BNC2: variants seen among roughly 807,000 people sequenced by gnomAD.
BNC2 encodes the protein basonuclin zinc finger protein 2.
BNC2 carries 20 observed loss-of-function variants against 76.3 expected under a neutral mutation model. The ratio of observed to expected loss-of-function variants is 0.26; its 90% CI spans 0.18 to 0.38. The LOEUF is 0.38. Among genes scored for constraint, BNC2 ranks in the 10% least tolerant of loss-of-function variants. The pLI is 1.00. For synonymous variants in BNC2, 582 were observed against 514.8 expected, an observed-to-expected ratio of 1.13 and a Z score of -1.77; for missense variants, 1,382 against 1,399.8, an observed-to-expected ratio of 0.99 and a Z score of 0.20.
chr9:16,567,380 AT>A (rs574744980), intron 4 of BNC2, among the ~76,000 whole-genome samples: 5 of 152,338 alleles, frequency 3.3e-5, no homozygotes, highest in Admixed American at 1.3e-4. Context: ...CCTTTATAAA[AT>A]TCAGTTTTCA....
chr9:16,413,301 G>C lies in BNC2; in HGVS notation c.*5688C>G, dbSNP rs1426005136. On this transcript the variant is annotated 3_prime_UTR_variant, in exon 7 of 7. Transcript: ENST00000380672. The stretch of plus-strand genomic sequence containing the variant: ...GTATGTTGCTCCAAAAATATATATA[G>C]CATTATAATGAACAATAATGCTGAT... 3 of 150,520 alleles carry C rather than the reference G, an allele frequency of 2.0e-5. No individual in the cohort carries two copies. The highest frequency in any genetic ancestry group is 1.9e-4 in the East Asian group (1 of 5,150). The allele number at this position is 150,520 out of a possible 1,614,324, so 9.3% of individuals were successfully genotyped here. A position where few individuals can be genotyped will look rare whatever the true frequency, so the allele number is the denominator to read the frequency against.
chr9:16,601,400 G>A (rs574069170), intron 3 of BNC2, among the ~76,000 whole-genome samples: 11 of 152,312 alleles, frequency 7.2e-5, no homozygotes, highest in Admixed American at 5.9e-4. Context: ...AGATCTAAAC[G>A]AACAGACACA....
At chr9:16,551,163 T>C (rs1185351198) in intron 5 of BNC2, among the ~76,000 whole-genome samples, 1 of 152,198 alleles carries the variant, frequency 6.6e-6, no homozygotes, top group Non-Finnish European at 1.5e-5. Context: ...ATATAATTGC[T>C]ACTATTATCA....
intron 1 of BNC2, among the ~76,000 whole-genome samples, chr9:16,756,877 G>C (rs185182441): frequency 5.8e-4 from 88 of 152,074 alleles, no homozygotes; most frequent in Middle Eastern, 3.4e-3. Flanking sequence ...TGTAGTCCCA[G>C]CTACTCGGGA....
intron 5 of BNC2, among the ~76,000 whole-genome samples, chr9:16,469,301 G>A (rs1391399541): frequency 6.6e-6 from 1 of 152,172 alleles, no homozygotes; most frequent in Non-Finnish European, 1.5e-5. Context: ...GTTGTAGGAA[G>A]GACCCGGGGG....
Position 16,552,507 on chromosome 9 carries a change from C to T in BNC2, c.669+23G>A, listed in dbSNP as rs755696592. ...ACCCACAGTCGGCCCCGGACACGGG[C>T]GGCGTTCAAGTCCTCTCCCTACCTG... is the stretch of plus-strand genomic sequence containing the variant. On this transcript the variant is annotated intron_variant, in intron 5 of 6. Coordinates refer to ENST00000380672, the MANE Select transcript of BNC2 (RefSeq NM_017637.6). The T allele has an allele frequency of 3.2e-5, 52 of 1,606,132 alleles. 1 individual carries two copies. The highest frequency in any genetic ancestry group is 1.7e-4 in the Middle Eastern group (1 of 6,042).
intron 1 of BNC2, among the ~76,000 whole-genome samples, chr9:16,850,912 G>T (rs943297797): frequency 2.0e-5 from 3 of 152,050 alleles, no homozygotes; most frequent in South Asian, 2.1e-4. Context: ...TTATGTCATG[G>T]AAGATTTGCT....
chr9:16,507,586 G>A (rs973346020), intron 5 of BNC2, among the ~76,000 whole-genome samples: 2 of 152,064 alleles, frequency 1.3e-5, no homozygotes, highest in Non-Finnish European at 2.9e-5. Context: ...GCACCACCAT[G>A]CCTGGCTAAT....
chr9:16,443,024 C>T (rs1369473705), intron 5 of BNC2, among the ~76,000 whole-genome samples: 1 of 138,918 alleles, frequency 7.2e-6, no homozygotes, highest in East Asian at 2.2e-4. Flanking sequence ...ATGAGAATCA[C>T]TTGAACCCAG....
chr9:16,489,328 A>T (rs184729743), intron 5 of BNC2, among the ~76,000 whole-genome samples: 2 of 152,348 alleles, frequency 1.3e-5, no homozygotes, highest in Non-Finnish European at 2.9e-5. Flanking sequence ...TTTAATTTAC[A>T]TTTAAATAGA....
In BNC2 at chr9:16,436,074, C is replaced by A; in HGVS notation, c.2120G>T (p.Arg707Met). The change falls in exon 6 of 7, where the codon AGG (arginine) becomes ATG (methionine). Residue 707 changes from arginine (R) to methionine (M), a missense_variant. Arg to Met is a moderately conservative substitution (Grantham distance 91). Coordinates refer to ENST00000380672, the MANE Select transcript of BNC2 (RefSeq NM_017637.6). ...GTCTTCAGAAGTCATGCTGTCGGCC[C>A]TCCTTATTTCAGTCCTTGAAATGCA... ...TRCISRTEIR[R>M]ADSMTSEDQE... The A allele has an allele frequency of 6.2e-7, 1 of 1,614,152 alleles. No homozygotes were observed. The highest frequency in any genetic ancestry group is 8.5e-7 in the Non-Finnish European group (1 of 1,180,034).
At chr9:16,505,149 TGAGATAAAATGTATAAAA>T (rs1457684749) in intron 5 of BNC2, among the ~76,000 whole-genome samples, 1 of 152,116 alleles carries the variant, frequency 6.6e-6, no homozygotes. Context: ...AATGTATAAA[TGAGATAAAATGTATAAAA>T]GAGATGCAGC....
rs1820813192 is a variant in BNC2, at chr9:16,426,920, G to A, written c.2640-7271C>T. ...TACCACTAATCTTGTGGGATTTCCT[G>A]GTGTATCACCATATAGCACTGAACT... On this transcript the variant is annotated intron_variant, in intron 6 of 6. Coordinates refer to ENST00000380672, the MANE Select transcript of BNC2 (RefSeq NM_017637.6). Among the ~76,000 whole-genome samples, 8 of 152,236 alleles carry A rather than the reference G, an allele frequency of 5.3e-5. No homozygotes were observed. The South Asian group carries it at 1.7e-3, about 32-fold the overall frequency.
At chr9:16,610,230 G>A (rs1035459217) in intron 3 of BNC2, among the ~76,000 whole-genome samples, 1 of 152,126 alleles carries the variant, frequency 6.6e-6, no homozygotes, top group African/African-American at 2.4e-5. Flanking sequence ...GAGGATTGCT[G>A]AATCCGAAGC....
intron 3 of BNC2, among the ~76,000 whole-genome samples, chr9:16,598,821 G>A (rs966489678): frequency 6.6e-6 from 1 of 152,094 alleles, no homozygotes; most frequent in Non-Finnish European, 1.5e-5. Context: ...TATATATCCT[G>A]GGCAATACCT....
intron 1 of BNC2, among the ~76,000 whole-genome samples, chr9:16,751,965 G>C (rs543192346): frequency 6.6e-6 from 1 of 152,110 alleles, no homozygotes; most frequent in South Asian, 2.1e-4. Flanking sequence ...GGAGGCAGAG[G>C]TTGCAGTGAG....
chr9:16,487,631 C>A (rs1563806505), intron 5 of BNC2, among the ~76,000 whole-genome samples: 1 of 152,134 alleles, frequency 6.6e-6, no homozygotes, highest in African/African-American at 2.4e-5. Context: ...TGAACCCCAG[C>A]CAAGTCCTAT....
intron 5 of BNC2, among the ~76,000 whole-genome samples, chr9:16,480,516 C>T (rs890389106): frequency 5.9e-5 from 9 of 152,134 alleles, no homozygotes; most frequent in South Asian, 2.1e-4. Flanking sequence ...GAGGGAGAGG[C>T]GGGAGCAGGA....
chr9:16,471,614 C>G (rs1333663246), intron 5 of BNC2, among the ~76,000 whole-genome samples: 1 of 152,146 alleles, frequency 6.6e-6, no homozygotes, highest in East Asian at 1.9e-4. Flanking sequence ...TTTTACAGGC[C>G]TGTAGGCGGA....
Sources: allele counts gnomAD v4.1 joint callset (sites outside exome capture counted in the v4.1 genomes callset), GRCh38; gene constraint gnomAD v4.1.1; transcripts MANE v1.5; gene names NCBI Gene and HGNC (gene_info 2026-07-23, HGNC 2026-07-21).